Variants in CBARP observed in about 807,000 individuals in gnomAD.
CBARP encodes voltage-dependent calcium channel beta subunit-associated regulatory protein.
CBARP carries 24 observed loss-of-function variants against 36.3 expected under a neutral mutation model. That is an observed-to-expected ratio of 0.66 (90% confidence interval 0.48 to 0.93). The LOEUF is 0.93. CBARP is among the 40% of genes least tolerant of loss of function. The pLI, the probability that CBARP is intolerant of heterozygous loss-of-function variation, is 0.00. For synonymous variants in CBARP, 586 were observed against 453.2 expected, an observed-to-expected ratio of 1.29 and a Z score of -3.72; for missense variants, 1,146 against 980.4, an observed-to-expected ratio of 1.17 and a Z score of -2.26.
intron 7 of CBARP, 101 bp from the exon 8 acceptor site, chr19:1,233,737 C>T: frequency 2.6e-6 from 3 of 1,165,306 alleles, no homozygotes; most frequent in South Asian, 1.6e-5. Flanking sequence ...CAAGGGCCCC[C>T]CATCACTGGG....
At position 1,231,171 on chromosome 19, in the gene CBARP, G is replaced by C; in HGVS notation, c.1084C>G (p.Arg362Gly). 1 of 1,600,970 alleles carries C rather than the reference G, an allele frequency of 6.2e-7. No individual in the cohort carries two copies. The highest frequency in any genetic ancestry group is 8.5e-7 in the Non-Finnish European group (1 of 1,175,640). ...PQEDFIQYIA[R>G]AGDAVAFPHP... ...GGGAAGGCCACGGCGTCGCCCGCCC[G>C]GGCAATGTACTGGATGAAGTCCTCC... Residue 362 changes from arginine to glycine, a missense_variant, in exon 9 of 10, where the codon CGG (arginine) becomes GGG (glycine). Physicochemically the swap from Arg to Gly is moderately radical, Grantham distance 125 (BLOSUM62 -2). Transcript: ENST00000650044.
chr19:1,237,706 C>G (rs1363542845), intron 1 of CBARP, 50 bp downstream of exon 1: 1 of 151,582 alleles, frequency 6.6e-6, no homozygotes, highest in Non-Finnish European at 1.5e-5. Context: ...GCTGCGATCC[C>G]CGGCCTGTCC....
rs140038046 is a variant in CBARP, at chr19:1,235,133, C to T, written c.323G>A (p.Arg108Gln). The T allele has an allele frequency of 8.6e-5, 137 of 1,589,028 alleles. No homozygotes were observed. In the African/African-American group the frequency reaches 1.1e-3, roughly 13 times the overall value. ...ATCCTGGCACTCGGGGTCCTCTCCC[C>T]GGAAGTCGGGGTCTGCGTGGAGAGG... is the stretch of plus-strand genomic sequence containing the variant. ...GTHPAQDPDF[R>Q]GEDPECQDAE... The change falls in exon 5 of 10, where the codon CGG becomes CAG. Residue 108 changes from arginine (R) to glutamine (Q), a missense_variant. Physicochemically the swap from Arg to Gln is conservative, Grantham distance 43. Transcript: ENST00000650044.
At chr19:1,236,223 G>C (rs1378273125) in intron 1 of CBARP, 102 bp from the exon 2 acceptor site, 1 of 1,328,320 alleles carries the variant, frequency 7.5e-7, no homozygotes, top group East Asian at 3.1e-5. Context: ...AGCCCACACA[G>C]GGGGCAGTGA....
In CBARP at chr19:1,234,172, G is replaced by T. The variant is rs776800497; in HGVS notation, c.768+19C>A. 8.7e-6 allele frequency: 13 copies of T among 1,500,026 alleles called. No individual in the cohort carries two copies. The African/African-American group carries it at 1.7e-4, about 19-fold the overall frequency. 92.9% of individuals were successfully genotyped at this position (1,500,026 alleles called of 1,614,324 possible). On this transcript the variant is annotated intron_variant, in intron 7 of 9. Transcript: ENST00000650044. ...CTCCCCGGCTGTGGACACCATGGGG[G>T]ACACGCAGGGGCCCTCACCGAGGTG... is the stretch of plus-strand genomic sequence containing the variant.
rs887747218 is a variant in CBARP, at chr19:1,237,925, C to T, written c.-191G>A. The T allele has an allele frequency of 6.8e-6, 1 of 147,034 alleles. No individual in the cohort carries two copies. The highest frequency in any genetic ancestry group is 2.4e-5 in the African/African-American group (1 of 40,936). The allele number at this position is 147,034 out of a possible 1,614,324, so 9.1% of individuals were successfully genotyped here. On this transcript the variant is annotated 5_prime_UTR_variant, in exon 1 of 10. Transcript: ENST00000650044. ...AGAGGAGGGGCCGCGCACGTGACCGCGTTGGCGGCGCGCCCGCTCCGCGCG... is the reference window on the plus strand; with the variant it reads ...AGAGGAGGGGCCGCGCACGTGACCGTGTTGGCGGCGCGCCCGCTCCGCGCG...
At chr19:1,234,876 C>G in intron 5 of CBARP, 125 bp downstream of exon 5, 2 of 1,498,272 alleles carry the variant, frequency 1.3e-6, no homozygotes, top group Non-Finnish European at 1.8e-6. Flanking sequence ...GCCGCCCCAC[C>G]CCACGGTCCC....
rs142973392 is a variant in CBARP, at chr19:1,235,099, G to C, written c.357C>G (p.Thr119=). 16 of 1,606,250 alleles carry C rather than the reference G, an allele frequency of 1.0e-5. No homozygotes were observed. The change falls in exon 5 of 10, where the codon ACC becomes ACG. Residue 119 remains threonine (T), a synonymous_variant. Transcript: ENST00000650044. ...GEDPECQDAE[T]ERFLSTSSTG... ...TGGAGCTGGTGGACAGGAAGCGTTC[G>C]GTCTCCGCATCCTGGCACTCGGGGT...
rs1452353491 is a variant in CBARP at position 1,230,097 on chromosome 19, G to C, written c.1200C>G (p.Pro400=). 1.3e-5 allele frequency: 14 copies of C among 1,080,378 alleles called. No individual in the cohort carries two copies. The highest frequency in any genetic ancestry group is 8.8e-4 in the Middle Eastern group (2 of 2,266). The allele number at this position is 1,080,378 out of a possible 1,614,324, so 66.9% of individuals were successfully genotyped here. A position where few individuals can be genotyped will look rare whatever the true frequency, so the allele number is the denominator to read the frequency against. The change falls in exon 10 of 10, where the codon CCC becomes CCG. Residue 400 remains proline, a synonymous_variant. Coordinates refer to ENST00000650044, the MANE Select transcript of CBARP (RefSeq NM_001393918.1). Reference sequence around the variant, plus strand: ...CCGCGCTGCCCGCGCCGCGCTCCGGGGGGGAATCGGGGCTCGCTCCTCCCG... The same window carrying C: ...CCGCGCTGCCCGCGCCGCGCTCCGGCGGGGAATCGGGGCTCGCTCCTCCCG... The part of the protein sequence containing the change: ...EAAGGASPDS[P]PERGAGSAGP...
chr19:1,235,198 T>C, intron 4 of CBARP, 53 bp from the exon 5 acceptor site: 1 of 1,445,328 alleles, frequency 6.9e-7, no homozygotes, highest in Non-Finnish European at 9.2e-7. Flanking sequence ...GCCAGGCGCC[T>C]GGTCCCGGGA....
chr19:1,235,935 G>C lies in CBARP; in HGVS notation c.106-17C>G. The C allele has an allele frequency of 6.2e-7, 1 of 1,603,988 alleles. No homozygotes were observed. The highest frequency in any genetic ancestry group is 8.5e-7 in the Non-Finnish European group (1 of 1,174,808). On this transcript the variant is annotated splice_polypyrimidine_tract_variant and intron_variant, in intron 2 of 9. Transcript: ENST00000650044. ...TGGCTCTGCCTGCGGGTGTGCAGGG[G>C]GGGTCAGGTGCTGCTGGCCTGGACG... is the stretch of plus-strand genomic sequence containing the variant.
rs1424943329 is a variant in CBARP at position 1,229,200 on chromosome 19, G to A, written c.2097C>T (p.Ser699=). The A allele has an allele frequency of 8.4e-7, 1 of 1,193,198 alleles. No homozygotes were observed. Among genetic ancestry groups the A allele is most frequent in the Non-Finnish European group, 1.1e-6 (1 of 940,660 alleles). 73.9% of individuals were successfully genotyped at this position (1,193,198 alleles called of 1,614,324 possible). A position where few individuals can be genotyped will look rare whatever the true frequency, so the allele number is the denominator to read the frequency against. The change falls in exon 10 of 10, where the codon TCC becomes TCT. Residue 699 remains serine (S), a synonymous_variant. Coordinates refer to ENST00000650044, the MANE Select transcript of CBARP (RefSeq NM_001393918.1). This position sits in a 1 kb window ranked among gnomAD's most constrained non-coding sequence, Gnocchi z 5.1. ...GGACTTAGGCCGGGCTGTGGTCGGGGGACGTGGGGGCGGCGGCGACCAACG... is the reference window on the plus strand; with the variant it reads ...GGACTTAGGCCGGGCTGTGGTCGGGAGACGTGGGGGCGGCGGCGACCAACG... ...TPALVAAAPT[S]PDHSPA
In CBARP at chr19:1,235,140, C is replaced by A; in HGVS notation, c.316G>T (p.Asp106Tyr). Residue 106 changes from aspartate to tyrosine, a missense_variant, in exon 5 of 10, where the codon GAC (aspartate) becomes TAC (tyrosine). Physicochemically the swap from Asp to Tyr is radical, Grantham distance 160. Transcript: ENST00000650044. The part of the protein sequence containing the change: ...DNGTHPAQDP[D>Y]FRGEDPECQD... Reference sequence around the variant, plus strand: ...CACTCGGGGTCCTCTCCCCGGAAGTCGGGGTCTGCGTGGAGAGGCAGGAGA... The same window carrying A: ...CACTCGGGGTCCTCTCCCCGGAAGTAGGGGTCTGCGTGGAGAGGCAGGAGA... The A allele has an allele frequency of 3.8e-6, 6 of 1,579,536 alleles. No homozygotes were observed. The highest frequency in any genetic ancestry group is 5.2e-6 in the Non-Finnish European group (6 of 1,163,230).
intron 4 of CBARP, 75 bp from the exon 5 acceptor site, chr19:1,235,220 C>T: frequency 5.1e-6 from 7 of 1,372,146 alleles, no homozygotes; most frequent in South Asian, 1.7e-5. Context: ...GGCTGCTCCT[C>T]CGGGCGGCCA....
rs1224195207 is a variant in CBARP, at chr19:1,236,110, G to A, written c.-10C>T. On this transcript the variant is annotated 5_prime_UTR_variant, in exon 2 of 10. Transcript: ENST00000650044. ...TGGCTGTGGGCTGCATTCTGAACTG[G>A]GGAGGAGGGCCCTGTGGGGAGGAAG... 3 of 1,443,104 alleles carry A rather than the reference G, an allele frequency of 2.1e-6. No individual in the cohort carries two copies. Among genetic ancestry groups the A allele is most frequent in the South Asian group, 2.9e-5 (2 of 68,882 alleles). The allele number at this position is 1,443,104 out of a possible 1,614,324, so 89.4% of individuals were successfully genotyped here.
Position 1,231,223 on chromosome 19 carries a change from C to G in CBARP, c.1032G>C (p.Thr344=), listed in dbSNP as rs144889893. The change falls in exon 9 of 10, where the codon ACG becomes ACC. Residue 344 remains threonine, a synonymous_variant. Coordinates refer to ENST00000650044, the MANE Select transcript of CBARP (RefSeq NM_001393918.1). ...GGGGGGCATCCCCCTCCTCCTGCTC[C>G]GTGCTCTCACTGGCTGCCCGCTGCC... The part of the protein sequence containing the change: ...FQRQRAASES[T]EQEEGDAPQE... The G allele has an allele frequency of 7.5e-6, 12 of 1,603,090 alleles. 1 individual carries two copies. In the South Asian group the frequency reaches 1.1e-4, roughly 15 times the overall value.
chr19:1,232,865 C>T lies in CBARP; in HGVS notation c.979+561G>A, dbSNP rs148012492. 4.6e-5 allele frequency among the ~76,000 whole-genome samples: 7 copies of T among 152,364 alleles called. No individual in the cohort carries two copies. In the East Asian group the frequency reaches 1.3e-3, roughly 29 times the overall value. On this transcript the variant is annotated intron_variant, in intron 8 of 9. Transcript: ENST00000650044. Reference sequence around the variant, plus strand: ...ACCCCACGAACACCACCATCCGGGGCCTGATGGGAAAAGTCTGCTGACCCC... The same window carrying T: ...ACCCCACGAACACCACCATCCGGGGTCTGATGGGAAAAGTCTGCTGACCCC...
intron 8 of CBARP, among the ~76,000 whole-genome samples, chr19:1,231,600 T>C (rs187727831): frequency 0.017 from 1,288 of 77,034 alleles, 24 homozygotes; most frequent in African/African-American, 0.065. Flanking sequence ...CCCATGCCTG[T>C]GCCCCCCCCA....
chr19:1,228,631 G>C lies in CBARP; in HGVS notation c.*548C>G, dbSNP rs1438677621. 6.3e-6 allele frequency: 1 copy of C among 158,400 alleles called. No individual in the cohort carries two copies. The highest frequency in any genetic ancestry group is 1.4e-5 in the Non-Finnish European group (1 of 72,152). 9.8% of individuals were successfully genotyped at this position (158,400 alleles called of 1,614,324 possible). On this transcript the variant is annotated 3_prime_UTR_variant, in exon 10 of 10. Coordinates refer to ENST00000650044, the MANE Select transcript of CBARP (RefSeq NM_001393918.1). The stretch of plus-strand genomic sequence containing the variant: ...CTGCCGCCAGCACACGCCGCAGTGA[G>C]GTAAACGGTCTCGGAGGTCGGCAGT...
Sources: allele counts gnomAD v4.1 joint callset (sites outside exome capture counted in the v4.1 genomes callset), GRCh38; gene constraint gnomAD v4.1.1; non-coding constraint Gnocchi (gnomAD v3.1); transcripts MANE v1.5; gene names NCBI Gene and HGNC (gene_info 2026-07-23, HGNC 2026-07-21).